Variants in FAAH2 observed in about 807,000 individuals in gnomAD.
The protein encoded by FAAH2 is fatty-acid amide hydrolase 2.
A neutral mutation model predicts 36.9 loss-of-function variants in FAAH2; 60 were observed. The ratio of observed to expected loss-of-function variants is 1.63; its 90% confidence interval spans 1.32 to 2.02. The LOEUF is 2.02. Ranked by LOEUF, FAAH2 falls within the 30% of genes most tolerant of loss-of-function variation. FAAH2 has a pLI of 0.00. For missense variants in FAAH2, 689 were observed against 397.5 expected, an observed-to-expected ratio of 1.73 and a Z score of -6.23; for synonymous variants, 214 against 143.8, an observed-to-expected ratio of 1.49 and a Z score of -3.49.
chrX:57,200,802 A>G, the FAAH2 span, among the ~76,000 whole-genome samples: 4 of 112,082 alleles, frequency 3.6e-5, no homozygotes, highest in Non-Finnish European at 7.5e-5. Flanking sequence ...TAATTTGCAC[A>G]TCACTATTAC....
chrX:57,448,557 G>A lies in FAAH2; in HGVS notation c.1262G>A (p.Ser421Asn), dbSNP rs199790210. The A allele has an allele frequency of 2.4e-5, 29 of 1,209,391 alleles. No homozygotes were observed. In the African/African-American group the frequency reaches 3.7e-4, roughly 15 times the overall value. Residue 421 changes from serine (S) to asparagine (N), a missense_variant, in exon 10 of 11, where the codon AGC (serine) becomes AAC (asparagine). By Grantham distance (46) the Ser-to-Asn change is conservative (BLOSUM62 1). Coordinates refer to ENST00000374900, the MANE Select transcript of FAAH2 (RefSeq NM_174912.4). ...TTGTTGGAAGAAAAGCTCAGATATA[G>A]CAATGAGAAATACCAAAAGTTTAAG... The part of the protein sequence containing the change: ...LALLEEKLRY[S>N]NEKYQKFKAV...
chrX:57,439,759 A>C (rs976539432), intron 8 of FAAH2, among the ~76,000 whole-genome samples: 8 of 111,869 alleles, frequency 7.2e-5, no homozygotes, highest in African/African-American at 2.6e-4. Flanking sequence ...TCTTTAATCC[A>C]TCTTGAACTA....
intron 2 of FAAH2, 39 bp downstream of exon 2, chrX:57,292,619 G>A: frequency 9.1e-7 from 1 of 1,102,167 alleles, no homozygotes; most frequent in East Asian, 3.0e-5. Flanking sequence ...ATTTATGGTG[G>A]TTTTTGTTCT....
chrX:57,241,456 A>C, the FAAH2 span, among the ~76,000 whole-genome samples: 1 of 103,107 alleles, frequency 9.7e-6, no homozygotes, highest in Non-Finnish European at 1.9e-5. Flanking sequence ...AGAAAAAAAA[A>C]CAGACCTATT....
the FAAH2 span, among the ~76,000 whole-genome samples, chrX:57,213,450 T>C: frequency 8.9e-6 from 1 of 112,035 alleles, no homozygotes; most frequent in African/African-American, 3.2e-5. Context: ...TCCATTCTTT[T>C]GATGTATGCA....
chrX:57,446,931 C>T lies in FAAH2; in HGVS notation c.1120C>T (p.Pro374Ser). 2 of 1,202,177 alleles carry T rather than the reference C, an allele frequency of 1.7e-6. No homozygotes were observed. The highest frequency in any genetic ancestry group is 1.1e-6 in the Non-Finnish European group (1 of 889,422). ...TATTTCTTTCCTTCAATCTCAGGAA[C>T]CTGTGAAATTTGTAGATTTGCTTGG... ...MSAKGHDGKE[P>S]VKFVDLLGDH... The change falls in exon 9 of 11, where the codon CCT becomes TCT. Residue 374 changes from proline to serine, a missense_variant. Pro to Ser is a moderately conservative substitution (Grantham distance 74, BLOSUM62 -1). Transcript: ENST00000374900.
intron 7 of FAAH2, among the ~76,000 whole-genome samples, chrX:57,425,855 C>T (rs1440003326): frequency 7.9e-5 from 1 of 12,640 alleles, no homozygotes; most frequent in Non-Finnish European, 9.6e-3. Context: ...CAATATCAGC[C>T]TTGAATGTGT....
intron 10 of FAAH2, among the ~76,000 whole-genome samples, chrX:57,456,282 G>C (rs930653862): frequency 8.9e-6 from 1 of 112,072 alleles, no homozygotes; most frequent in African/African-American, 3.2e-5. Flanking sequence ...CCAAATCTTT[G>C]AGATGCAGTT....
intron 10 of FAAH2, among the ~76,000 whole-genome samples, chrX:57,470,724 C>T (rs915607607): frequency 4.5e-5 from 5 of 111,276 alleles, no homozygotes; most frequent in African/African-American, 9.8e-5. Context: ...AGAAAAAGAG[C>T]GAATCCTCCC....
chrX:57,429,679 G>T (rs753463850), intron 7 of FAAH2, among the ~76,000 whole-genome samples: 1 of 111,308 alleles, frequency 9.0e-6, no homozygotes, highest in African/African-American at 3.3e-5. Flanking sequence ...TCCACTACTG[G>T]TTATCTACCA....
In FAAH2 at chrX:57,458,496, A is replaced by C. The variant is rs981074714; in HGVS notation, c.1423+9778A>C. On this transcript the variant is annotated intron_variant, in intron 10 of 10. Transcript: ENST00000374900. ...TGACAGAGCAAGACTCCATCCAAAA[A>C]AAAACAAAAAAATCCTAGAAGAAAA... 2.7e-5 allele frequency among the ~76,000 whole-genome samples: 3 copies of C among 111,070 alleles called. No individual in the cohort carries two copies. The East Asian group carries it at 8.5e-4, about 32-fold the overall frequency.
chrX:57,272,668 TGAA>T, the FAAH2 span, among the ~76,000 whole-genome samples: 16 of 111,876 alleles, frequency 1.4e-4, no homozygotes, highest in African/African-American at 4.9e-4. Context: ...GCTTCATAAG[TGAA>T]GAAGAAATAA....
chrX:57,336,184 T>A (rs956399288), intron 4 of FAAH2, among the ~76,000 whole-genome samples: 1 of 111,313 alleles, frequency 9.0e-6, no homozygotes, highest in Admixed American at 9.5e-5. Context: ...ACTGATGACA[T>A]TGTCTTGTGA....
At chrX:57,305,865 T>C (rs2052507665) in intron 2 of FAAH2, among the ~76,000 whole-genome samples, 1 of 111,911 alleles carries the variant, frequency 8.9e-6, no homozygotes, top group African/African-American at 3.3e-5. Context: ...GATATCTATC[T>C]TTCTGAGTAC....
the FAAH2 span, among the ~76,000 whole-genome samples, chrX:57,164,024 C>T: frequency 8.9e-6 from 1 of 112,146 alleles, no homozygotes; most frequent in Admixed American, 9.4e-5. Flanking sequence ...GCAATAGGGG[C>T]TCAAAGGACG....
the FAAH2 span, among the ~76,000 whole-genome samples, chrX:57,138,420 T>TTA: frequency 0.012 from 1,327 of 107,736 alleles, 15 homozygotes; most frequent in African/African-American, 0.023. Flanking sequence ...TAATATTTTA[T>TTA]TATATATATA....
the FAAH2 span, among the ~76,000 whole-genome samples, chrX:57,231,034 A>AGT: frequency 0.079 from 7,439 of 94,269 alleles, 273 homozygotes; most frequent in Non-Finnish European, 0.09. Flanking sequence ...CTCCAAAGGA[A>AGT]GTGTGTGTGT....
chrX:57,380,735 C>A (rs898379469), intron 6 of FAAH2, among the ~76,000 whole-genome samples, 177 bp from the exon 7 acceptor site: 1 of 112,129 alleles, frequency 8.9e-6, no homozygotes, highest in African/African-American at 3.2e-5. Context: ...CTCTCCCTTG[C>A]AGCTCAAGTA....
intron 3 of FAAH2, among the ~76,000 whole-genome samples, 186 bp from the exon 4 acceptor site, chrX:57,331,412 C>A (rs1270826914): frequency 4.5e-5 from 5 of 110,452 alleles, no homozygotes; most frequent in Non-Finnish European, 9.5e-5. Flanking sequence ...TCTGTGTCTT[C>A]CCTCCATCCA....
Sources: allele counts gnomAD v4.1 joint callset (sites outside exome capture counted in the v4.1 genomes callset), GRCh38; gene constraint gnomAD v4.1.1; transcripts MANE v1.5; gene names NCBI Gene and HGNC (gene_info 2026-07-23, HGNC 2026-07-21).